Variants in TERF2 observed in about 807,000 individuals in gnomAD.
The protein encoded by TERF2 is telomeric repeat binding factor 2.
Under a neutral mutation model 56.1 loss-of-function variants are expected in TERF2, and 16 were observed. The ratio of observed to expected loss-of-function variants is 0.29; its 90% CI spans 0.19 to 0.43. TERF2 has a LOEUF of 0.43. Ranked by LOEUF, TERF2 falls within the 20% of genes least tolerant of loss-of-function variation. TERF2 has a pLI of 1.00. For missense variants in TERF2, 547 were observed against 712.9 expected (o/e 0.77, Z 2.65); for synonymous variants, 296 against 282.1 (o/e 1.05, Z -0.50).
chr16:69,374,243 C>T (rs115516834), intron 3 of TERF2, among the ~76,000 whole-genome samples: 2,329 of 152,234 alleles, frequency 0.015, 62 homozygotes, highest in African/African-American at 0.054. Flanking sequence ...TTTAGGACAT[C>T]TGGTTTGGAA....
chr16:69,379,638 G>A (rs1162030561), intron 3 of TERF2, among the ~76,000 whole-genome samples: 1 of 152,026 alleles, frequency 6.6e-6, no homozygotes, highest in Non-Finnish European at 1.5e-5. Flanking sequence ...GTTTATGTAG[G>A]TTATATTTGC....
chr16:69,369,129 G>GCCA (rs2013470861), intron 5 of TERF2, among the ~76,000 whole-genome samples: 1 of 74,616 alleles, frequency 1.3e-5, no homozygotes, highest in African/African-American at 7.3e-5. Context: ...GTGTTATATA[G>GCCA]ATAAGGATAG....
Position 69,356,022 on chromosome 16 carries a change from C to T in TERF2, c.*876G>A. 3.2e-6 allele frequency: 1 copy of T among 308,468 alleles called. No homozygotes were observed. Among genetic ancestry groups the T allele is most frequent in the East Asian group, 9.4e-5 (1 of 10,628 alleles). The allele number at this position is 308,468 out of a possible 1,614,324, so 19.1% of individuals were successfully genotyped here. ...GCCTACATAGCCCAGCAGATGTTGA[C>T]AGCAAATGCCAAGGCAGACAGGTCT... On this transcript the variant is annotated 3_prime_UTR_variant, in exon 10 of 10. Coordinates refer to ENST00000254942, the MANE Select transcript of TERF2 (RefSeq NM_005652.5).
chr16:69,385,939 A>G lies in TERF2; in HGVS notation c.33T>C (p.Ala11=). MAAGAGTAGP[A]SGPGVVRDPA... ...GGTCACGCACGACGCCCGGGCCGGA[A>G]GCGGGGCCCGCCGTCCCGGCTCCCG... The change falls in exon 1 of 10, where the codon GCT becomes GCC. Residue 11 remains alanine, a synonymous_variant. Transcript: ENST00000254942. The G allele has an allele frequency of 7.3e-7, 1 of 1,366,786 alleles. No individual in the cohort carries two copies. Among genetic ancestry groups the G allele is most frequent in the Non-Finnish European group, 9.4e-7 (1 of 1,059,310 alleles). 84.7% of individuals were successfully genotyped at this position (1,366,786 alleles called of 1,614,324 possible). A position where few individuals can be genotyped will look rare whatever the true frequency, so the allele number is the denominator to read the frequency against.
At chr16:69,370,147 C>A in intron 5 of TERF2, 4 of 295,452 alleles carry the variant, frequency 1.4e-5, no homozygotes, top group Non-Finnish European at 2.5e-5. Flanking sequence ...TCTCCTGCCT[C>A]AGCCTCCAAA....
intron 9 of TERF2, 60 bp downstream of exon 9, chr16:69,357,458 G>A (rs775407328): frequency 1.3e-4 from 181 of 1,424,696 alleles, no homozygotes; most frequent in Admixed American, 4.1e-4. Flanking sequence ...GAGACAGGGC[G>A]CGTATTTTAC....
intron 8 of TERF2, among the ~76,000 whole-genome samples, chr16:69,357,846 CTT>C (rs71383989): frequency 2.9e-4 from 35 of 121,916 alleles, no homozygotes; most frequent in Non-Finnish European, 2.7e-4. Context: ...ACATCGTTTT[CTT>C]TTTTTTTTTT....
At chr16:69,360,635 G>T (rs1159779853) in intron 8 of TERF2, among the ~76,000 whole-genome samples, 9 of 144,314 alleles carry the variant, frequency 6.2e-5, no homozygotes, top group Non-Finnish European at 1.0e-4. Context: ...TTTAGCCCAG[G>T]ATGTCACGGC....
At chr16:69,364,282 G>A (rs993598215) in intron 7 of TERF2, among the ~76,000 whole-genome samples, 54 of 152,172 alleles carry the variant, frequency 3.5e-4, no homozygotes, top group African/African-American at 1.0e-3. Context: ...CCCTGGCAGC[G>A]GTCTCCAGTC....
At chr16:69,357,904 A>G (rs1597237839) in intron 8 of TERF2, among the ~76,000 whole-genome samples, 1 of 141,990 alleles carries the variant, frequency 7.0e-6, no homozygotes, top group East Asian at 2.1e-4. Context: ...GCTGGAGTGC[A>G]GTGGCGCTAT....
At chr16:69,370,388 T>C in intron 5 of TERF2, 95 bp downstream of exon 5, 3 of 1,501,594 alleles carry the variant, frequency 2.0e-6, no homozygotes, top group Non-Finnish European at 2.7e-6. Flanking sequence ...ATTCAATGTC[T>C]TTTTCACACA....
intron 3 of TERF2, among the ~76,000 whole-genome samples, chr16:69,374,822 G>A (rs955610554): frequency 2.6e-5 from 4 of 151,818 alleles, no homozygotes; most frequent in South Asian, 2.1e-4. Context: ...AAAATTAGAC[G>A]GGCATGGTAG....
rs1458423152 is a variant in TERF2, at chr16:69,356,331, C to T, written c.*567G>A. 7 of 383,290 alleles carry T rather than the reference C, an allele frequency of 1.8e-5. No homozygotes were observed. The highest frequency in any genetic ancestry group is 1.0e-4 in the Admixed American group (3 of 29,720). 23.7% of individuals were successfully genotyped at this position (383,290 alleles called of 1,614,324 possible). On this transcript the variant is annotated 3_prime_UTR_variant, in exon 10 of 10. Coordinates refer to ENST00000254942, the MANE Select transcript of TERF2 (RefSeq NM_005652.5). ...TAAGCAAACCACTAAAGAAGGGAAACGCTAATGATATTCTGGCACTGCACA... is the reference window on the plus strand; with the variant it reads ...TAAGCAAACCACTAAAGAAGGGAAATGCTAATGATATTCTGGCACTGCACA...
At position 69,372,350 on chromosome 16, in the gene TERF2, G is replaced by T; in HGVS notation, c.612C>A (p.Val204=). 2 of 1,601,602 alleles carry T rather than the reference G, an allele frequency of 1.2e-6. No homozygotes were observed. The highest frequency in any genetic ancestry group is 2.3e-5 in the South Asian group (2 of 88,482). ...SSRKLVKEAA[V]IICIKNKEFE... The stretch of plus-strand genomic sequence containing the variant: ...ATTCTTTGTTTTTGATACAAATAAT[G>T]ACAGCCTAAAAAGGAGGGGAAAAAT... The change falls in exon 4 of 10, where the codon GTC becomes GTA. Residue 204 remains valine (V), a synonymous_variant. Coordinates refer to ENST00000254942, the MANE Select transcript of TERF2 (RefSeq NM_005652.5).
At chr16:69,372,655 G>C (rs201441099) in intron 3 of TERF2, among the ~76,000 whole-genome samples, 2 of 152,042 alleles carry the variant, frequency 1.3e-5, no homozygotes, top group East Asian at 1.9e-4. Context: ...CCAGCTACTC[G>C]GGAGGCTGAG....
intron 7 of TERF2, 136 bp downstream of exon 7, chr16:69,366,671 C>T (rs1453706695): frequency 5.8e-6 from 7 of 1,198,774 alleles, no homozygotes; most frequent in Non-Finnish European, 3.4e-6. Context: ...GCCACTCCTG[C>T]GTCAAGTTCT....
intron 3 of TERF2, among the ~76,000 whole-genome samples, chr16:69,380,410 C>T (rs999535071): frequency 4.6e-5 from 7 of 151,744 alleles, no homozygotes; most frequent in African/African-American, 1.7e-4. Context: ...CCTGTAATCC[C>T]AGCACTTTGG....
chr16:69,385,449 C>T lies in TERF2; in HGVS notation c.417G>A (p.Val139=), dbSNP rs777243729. The change falls in exon 2 of 10, where the codon GTG becomes GTA. Residue 139 remains valine, a synonymous_variant. Transcript: ENST00000254942. ...ACTGCATAACCCGCAGCAATCGGGACACGGTGTGCTCCTTCCCCAAGGGCC... is the reference window on the plus strand; with the variant it reads ...ACTGCATAACCCGCAGCAATCGGGATACGGTGTGCTCCTTCCCCAAGGGCC... The part of the protein sequence containing the change: ...LVRPLGKEHT[V]SRLLRVMQCL... The T allele has an allele frequency of 6.2e-7, 1 of 1,614,160 alleles. No individual in the cohort carries two copies. The highest frequency in any genetic ancestry group is 1.3e-5 in the African/African-American group (1 of 75,050).
intron 3 of TERF2, among the ~76,000 whole-genome samples, chr16:69,378,529 A>C (rs2013877266): frequency 6.6e-6 from 1 of 152,230 alleles, no homozygotes; most frequent in South Asian, 2.1e-4. Context: ...CTTGCTCCTC[A>C]GACCAGAAAG....
Sources: allele counts gnomAD v4.1 joint callset (sites outside exome capture counted in the v4.1 genomes callset), GRCh38; gene constraint gnomAD v4.1.1; transcripts MANE v1.5; gene names NCBI Gene and HGNC (gene_info 2026-07-23, HGNC 2026-07-21).